Variants in IMPG1 observed in about 807,000 individuals in gnomAD.
IMPG1 encodes interphotoreceptor matrix proteoglycan 1.
A neutral mutation model predicts 92.0 loss-of-function variants in IMPG1; 85 were observed. That is an observed-to-expected ratio of 0.92 (90% CI 0.78 to 1.11). IMPG1 has a LOEUF of 1.11. IMPG1 is among the 50% of genes least tolerant of loss of function. The pLI, the probability that IMPG1 is intolerant of heterozygous loss-of-function variation, is 0.00. For synonymous variants in IMPG1, 367 were observed against 334.1 expected (o/e 1.10, Z -1.08); for missense variants, 1,022 against 956.0 (o/e 1.07, Z -0.91).
intron 12 of IMPG1, among the ~76,000 whole-genome samples, chr6:75,987,361 T>G (rs1218958824): frequency 2.0e-5 from 3 of 151,828 alleles, no homozygotes; most frequent in African/African-American, 4.8e-5. Flanking sequence ...ACGCGCAGGT[T>G]TGTTACATAT....
At chr6:76,050,648 G>T (rs532180104) in intron 1 of IMPG1, among the ~76,000 whole-genome samples, 2 of 152,116 alleles carry the variant, frequency 1.3e-5, no homozygotes, top group Non-Finnish European at 2.9e-5. Context: ...CAGTACCAAA[G>T]TTGGCTTCTA....
chr6:76,016,472 T>A (rs968344740), intron 7 of IMPG1, among the ~76,000 whole-genome samples: 10 of 152,260 alleles, frequency 6.6e-5, no homozygotes, highest in Non-Finnish European at 7.3e-5. Flanking sequence ...TAATAATCCA[T>A]GTCTGAGTAG....
At chr6:76,043,087 G>T (rs749540787) in intron 1 of IMPG1, among the ~76,000 whole-genome samples, 7 of 151,870 alleles carry the variant, frequency 4.6e-5, no homozygotes, top group Non-Finnish European at 8.8e-5. Context: ...TTTGATGTTG[G>T]GCTTGGGAGA....
At chr6:75,991,363 C>G (rs1443843446) in intron 12 of IMPG1, among the ~76,000 whole-genome samples, 1 of 151,594 alleles carries the variant, frequency 6.6e-6, no homozygotes, top group Admixed American at 6.6e-5. Context: ...TGCATTCCAG[C>G]CTGGGTGACA....
chr6:76,050,267 C>T (rs1490041590), intron 1 of IMPG1, among the ~76,000 whole-genome samples: 3 of 151,952 alleles, frequency 2.0e-5, no homozygotes, highest in Non-Finnish European at 2.9e-5. Context: ...TGGTGAAAAC[C>T]CATCTCTACT....
At chr6:76,003,268 T>A (rs1389093945) in intron 11 of IMPG1, among the ~76,000 whole-genome samples, 3 of 152,210 alleles carry the variant, frequency 2.0e-5, no homozygotes, top group Non-Finnish European at 2.9e-5. Flanking sequence ...TTGATTTATG[T>A]CAATCATGTT....
At position 76,041,923 on chromosome 6, in the gene IMPG1, C is replaced by T; in HGVS notation, c.271G>A (p.Asp91Asn). ...CPQESMKQIL[D>N]SLQAYYRLRV... Reference sequence around the variant, plus strand: ...AATCTATAATAAGCTTGAAGACTGTCTAAAATCTGTTTCATGGATTCCTGT... The same window carrying T: ...AATCTATAATAAGCTTGAAGACTGTTTAAAATCTGTTTCATGGATTCCTGT... The change falls in exon 2 of 17, where the codon GAC becomes AAC. Residue 91 changes from aspartate (D) to asparagine (N), a missense_variant. Coordinates refer to ENST00000369950, the MANE Select transcript of IMPG1 (RefSeq NM_001563.4). 2 of 1,613,190 alleles carry T rather than the reference C, an allele frequency of 1.2e-6. No individual in the cohort carries two copies. Among genetic ancestry groups the T allele is most frequent in the Non-Finnish European group, 1.7e-6 (2 of 1,179,170 alleles).
At chr6:76,044,678 G>C (rs561218408) in intron 1 of IMPG1, among the ~76,000 whole-genome samples, 3 of 149,532 alleles carry the variant, frequency 2.0e-5, no homozygotes, top group Non-Finnish European at 3.0e-5. Context: ...AACACTTTGC[G>C]CATATCCAGG....
chr6:75,986,217 C>T lies in IMPG1; in HGVS notation c.1291+16701G>A, dbSNP rs1259530242. Reference sequence around the variant, plus strand: ...GGCTCCTTTTAAATTTTGCACCTGACACTAGTGCCTTACTTGCTTCACTCT... The same window carrying T: ...GGCTCCTTTTAAATTTTGCACCTGATACTAGTGCCTTACTTGCTTCACTCT... On this transcript the variant is annotated intron_variant, in intron 12 of 16. Transcript: ENST00000369950. 2.6e-5 allele frequency among the ~76,000 whole-genome samples: 4 copies of T among 152,224 alleles called. No homozygotes were observed. In the East Asian group the frequency reaches 5.8e-4, roughly 22 times the overall value.
chr6:75,949,711 A>G (rs1313646105), intron 13 of IMPG1, among the ~76,000 whole-genome samples: 1 of 152,132 alleles, frequency 6.6e-6, no homozygotes. Flanking sequence ...GACTCTCCCA[A>G]TATCTACTCA....
chr6:76,015,584 T>TGAGGTCAGGA (rs1783270897), intron 7 of IMPG1, among the ~76,000 whole-genome samples: 1 of 152,018 alleles, frequency 6.6e-6, no homozygotes, highest in Non-Finnish European at 1.5e-5. Flanking sequence ...GTGGATCACC[T>TGAGGTCAGGA]GAGGTCAGGA....
Position 75,933,885 on chromosome 6 carries a change from A to G in IMPG1, c.2045-2734T>C, listed in dbSNP as rs77531624. Among the ~76,000 whole-genome samples the G allele has an allele frequency of 7.4e-3, 1,128 of 152,364 alleles. 12 individuals carry two copies. The highest frequency in any genetic ancestry group is 0.026 in the African/African-American group (1,070 of 41,584). On this transcript the variant is annotated intron_variant, in intron 14 of 16. Transcript: ENST00000369950. ...AATATTCACAGCACCTCTCAAATCCATATGGATATTGCCGACATCATTTTC... is the reference window on the plus strand; with the variant it reads ...AATATTCACAGCACCTCTCAAATCCGTATGGATATTGCCGACATCATTTTC...
At chr6:75,960,947 G>C (rs1782204386) in intron 12 of IMPG1, among the ~76,000 whole-genome samples, 1 of 152,224 alleles carries the variant, frequency 6.6e-6, no homozygotes, top group African/African-American at 2.4e-5. Context: ...GCCAAATGTA[G>C]AGTATATAGC....
At chr6:75,937,851 TGAG>T (rs766417558) in intron 14 of IMPG1, among the ~76,000 whole-genome samples, 62 of 152,322 alleles carry the variant, frequency 4.1e-4, no homozygotes, top group Non-Finnish European at 5.0e-4. Context: ...TGTCCATTTT[TGAG>T]GAGGCTTCTT....
chr6:76,016,709 T>G (rs1783295642), intron 7 of IMPG1, among the ~76,000 whole-genome samples: 1 of 152,218 alleles, frequency 6.6e-6, no homozygotes, highest in African/African-American at 2.4e-5. Flanking sequence ...TCGTGTGCAC[T>G]CCTGTTGTCC....
chr6:75,928,207 C>CTTTCT (rs1554226821), intron 15 of IMPG1, among the ~76,000 whole-genome samples: 2 of 147,968 alleles, frequency 1.4e-5, no homozygotes, highest in South Asian at 2.1e-4. Flanking sequence ...TTCTTTCTTT[C>CTTTCT]TTTTTTTTTT....
intron 9 of IMPG1, among the ~76,000 whole-genome samples, chr6:76,006,097 G>A (rs1255854453): frequency 1.3e-5 from 2 of 152,048 alleles, no homozygotes; most frequent in Non-Finnish European, 1.5e-5. Flanking sequence ...CCAAAGTGCT[G>A]AGGTTACAGG....
At chr6:76,017,612 A>G (rs1783313335) in intron 7 of IMPG1, among the ~76,000 whole-genome samples, 2 of 152,226 alleles carry the variant, frequency 1.3e-5, no homozygotes, top group African/African-American at 4.8e-5. Context: ...TAATATATAC[A>G]TCTTGATGAA....
intron 1 of IMPG1, among the ~76,000 whole-genome samples, chr6:76,068,833 A>C (rs1784355492): frequency 6.6e-6 from 1 of 152,034 alleles, no homozygotes; most frequent in Non-Finnish European, 1.5e-5. Flanking sequence ...ATACTTCTTA[A>C]AACAATCCCC....
Sources: gnomAD v4.1 joint callset for allele counts (sites outside exome capture counted in the v4.1 genomes callset) on GRCh38, gnomAD v4.1.1 for gene constraint, MANE v1.5 for transcripts, NCBI Gene and HGNC (gene_info 2026-07-23, HGNC 2026-07-21) for gene names.